The following AAAS variants were observed in gnomAD, a reference collection of about 807,000 sequenced individuals.
The protein encoded by AAAS is aladin.
In AAAS, 60 loss-of-function variants were observed where a neutral mutation model predicts 75.6. That is an observed-to-expected ratio of 0.79 (90% CI 0.64 to 0.98). AAAS has a LOEUF of 0.98. Among genes scored for constraint, AAAS ranks in the 50% least tolerant of loss-of-function variants. The probability of loss-of-function intolerance (pLI) is 0.00; values close to 1 mark genes in which losing one functional copy is unlikely to be tolerated. For synonymous variants in AAAS, 271 were observed against 265.0 expected (o/e 1.02, Z -0.22); for missense variants, 658 against 686.9 (o/e 0.96, Z 0.47).
chr12:53,318,255 T>C lies in AAAS; in HGVS notation c.251+2310A>G, dbSNP rs58263639. On this transcript the variant is annotated intron_variant, in intron 2 of 15. Coordinates refer to ENST00000209873, the MANE Select transcript of AAAS (RefSeq NM_015665.6). ...GTGTGTGTGTGTGTGCGTGTGTGTG[T>C]GTGTGTGTGTGTGTGTGTTAAGACG... Among the ~76,000 whole-genome samples the C allele has an allele frequency of 1.6e-3, 159 of 98,810 alleles. 4 individuals carry two copies. Among genetic ancestry groups the C allele is most frequent in the African/African-American group, 4.3e-3 (135 of 31,188 alleles). 64.8% of individuals were successfully genotyped at this position (98,810 alleles called of 152,430 possible).
Position 53,315,422 on chromosome 12 carries a change from A to G in AAAS, c.312T>C (p.Phe104=). The change falls in exon 4 of 16, where the codon TTT becomes TTC. Residue 104 remains phenylalanine (F), a synonymous_variant. Transcript: ENST00000209873. The part of the protein sequence containing the change: ...NEIANSEEEV[F]EWVKTASGWA... ...AGCCGGATGCCGTCTTCACCCACTC[A>G]AACACTGTAGGGTTGAGGAAGCAGC... 6.2e-7 allele frequency: 1 copy of G among 1,612,924 alleles called. No homozygotes were observed. Among genetic ancestry groups the G allele is most frequent in the Non-Finnish European group, 8.5e-7 (1 of 1,179,814 alleles).
Position 53,307,914 on chromosome 12 carries a change from C to T in AAAS, c.1347G>A (p.Gly449=), listed in dbSNP as rs759148907. The T allele has an allele frequency of 6.2e-7, 1 of 1,614,158 alleles. No homozygotes were observed. Among genetic ancestry groups the T allele is most frequent in the Non-Finnish European group, 8.5e-7 (1 of 1,180,034 alleles). ...FELLPCGIIQ[G]EPGAQPQLIT... ...TGAGCTGGGGCTGGGCTCCTGGCTC[C>T]CCCTGGATAATGCCACTAGAAGAAA... The change falls in exon 15 of 16, where the codon GGG becomes GGA. Residue 449 remains glycine, a synonymous_variant. Coordinates refer to ENST00000209873, the MANE Select transcript of AAAS (RefSeq NM_015665.6).
intron 2 of AAAS, among the ~76,000 whole-genome samples, 178 bp from the exon 3 acceptor site, chr12:53,315,960 C>T (rs1457623771): frequency 1.3e-5 from 2 of 152,164 alleles, no homozygotes; most frequent in South Asian, 2.1e-4. Context: ...CAAATCTGAA[C>T]GAGATTCTAC....
chr12:53,318,922 T>C (rs1252233612), intron 2 of AAAS, among the ~76,000 whole-genome samples: 1 of 152,122 alleles, frequency 6.6e-6, no homozygotes, highest in Non-Finnish European at 1.5e-5. Flanking sequence ...AGCCTGGGAA[T>C]GAATGGCTTT....
Position 53,320,606 on chromosome 12 carries a change from GA to G in AAAS, c.209del (p.Ile70ThrfsTer24). On this transcript the variant is annotated frameshift_variant, in exon 2 of 16. Coordinates refer to ENST00000209873, the MANE Select transcript of AAAS (RefSeq NM_015665.6). LOFTEE classifies it high-confidence loss of function. ...RLDHGTRTAF[I>X]HHREQVWKRC... is the part of the protein sequence containing the mutation. ...TCTTCCACACTTGCTCCCGGTGATG[GA>G]TGAAGGCAGTTCTTGTGCCATGGTC... 2.5e-6 allele frequency: 4 copies of G among 1,614,066 alleles called. No individual in the cohort carries two copies. The highest frequency in any genetic ancestry group is 3.4e-6 in the Non-Finnish European group (4 of 1,179,994).
chr12:53,311,202 C>T (rs960954700), intron 7 of AAAS, among the ~76,000 whole-genome samples: 5 of 152,128 alleles, frequency 3.3e-5, no homozygotes, highest in African/African-American at 1.2e-4. Context: ...CCTCAGCCTC[C>T]GAAAGTGCTG....
intron 2 of AAAS, among the ~76,000 whole-genome samples, chr12:53,319,016 CAT>C (rs1944510956): frequency 1.3e-5 from 2 of 152,258 alleles, no homozygotes; most frequent in Admixed American, 1.3e-4. Flanking sequence ...CTTGACAGCA[CAT>C]GTGTTGGAAA....
Position 53,316,513 on chromosome 12 carries a change from A to C in AAAS, c.252-731T>G, listed in dbSNP as rs1178060329. ...GCCAGGCGCGGTGGCTCACACCTGT[A>C]ATCACAGCACTTTGGGAGGCCAAGG... is the stretch of plus-strand genomic sequence containing the variant. On this transcript the variant is annotated intron_variant, in intron 2 of 15. Transcript: ENST00000209873. Among the ~76,000 whole-genome samples, 4 of 151,278 alleles carry C rather than the reference A, an allele frequency of 2.6e-5. No individual in the cohort carries two copies. The East Asian group carries it at 7.8e-4, about 29-fold the overall frequency.
rs765177858 is a variant in AAAS at position 53,315,400 on chromosome 12, C to A, written c.334G>T (p.Gly112Cys). Residue 112 changes from glycine to cysteine, a missense_variant, in exon 4 of 16, where the codon GGC becomes TGC. Physicochemically the swap from Gly to Cys is radical, Grantham distance 159. Transcript: ENST00000209873. ...CATCGACAGAGTGCCAGGGCCCAGC[C>A]GGATGCCGTCTTCACCCACTCAAAC... ...EVFEWVKTAS[G>C]WALALCRWAS... The A allele has an allele frequency of 1.2e-6, 2 of 1,613,674 alleles. No individual in the cohort carries two copies. Among genetic ancestry groups the A allele is most frequent in the Non-Finnish European group, 1.7e-6 (2 of 1,179,994 alleles).
intron 6 of AAAS, 147 bp downstream of exon 6, chr12:53,314,604 C>T (rs1178384490): frequency 1.2e-5 from 16 of 1,315,820 alleles, no homozygotes; most frequent in South Asian, 3.8e-5. Flanking sequence ...AGAAGAAGCA[C>T]GCATCCAGTT....
At chr12:53,308,594 T>C in intron 11 of AAAS, 66 bp from the exon 12 acceptor site, 1 of 1,603,330 alleles carries the variant, frequency 6.2e-7, no homozygotes, top group Non-Finnish European at 8.5e-7. Context: ...CCCTGCCAGC[T>C]CACCAAAGGC....
In AAAS at chr12:53,318,223, AGTGTGT is replaced by A. The variant is rs71443291; in HGVS notation, c.251+2336_251+2341del. On this transcript the variant is annotated intron_variant, in intron 2 of 15. Transcript: ENST00000209873. ...AAATTTTTTGTAGAGATGGGGTTTC[AGTGTGT>A]GTGTGTGTGTGTGTGCGTGTGTGTG... Among the ~76,000 whole-genome samples, 23 of 136,996 alleles carry A rather than the reference AGTGTGT, an allele frequency of 1.7e-4. No homozygotes were observed. In the South Asian group the frequency reaches 3.1e-3, roughly 19 times the overall value. 89.9% of individuals were successfully genotyped at this position (136,996 alleles called of 152,430 possible).
At chr12:53,317,401 C>CA (rs1002338899) in intron 2 of AAAS, among the ~76,000 whole-genome samples, 9 of 150,660 alleles carry the variant, frequency 6.0e-5, no homozygotes, top group African/African-American at 2.2e-4. Context: ...ACTAAAAATA[C>CA]AAAAAATTAG....
chr12:53,320,892 G>C, intron 1 of AAAS, 200 bp from the exon 2 acceptor site: 1 of 640,662 alleles, frequency 1.6e-6, no homozygotes, highest in Non-Finnish European at 2.7e-6. Flanking sequence ...TATTTCATAG[G>C]GTTGCTGTGA....
Position 53,308,316 on chromosome 12 carries a change from G to A in AAAS, c.1215C>T (p.Asp405=). 2 of 1,614,188 alleles carry A rather than the reference G, an allele frequency of 1.2e-6. No homozygotes were observed. Among genetic ancestry groups the A allele is most frequent in the Non-Finnish European group, 1.7e-6 (2 of 1,180,028 alleles). ...LGGEAHSMVW[D]PSGERLAVLM... ...GCACAGCCAGACGTTCCCCACTGGG[G>A]TCCCAGACCATGGAGTGAGCCTCTC... Residue 405 remains aspartate, a synonymous_variant, in exon 13 of 16, where the codon GAC becomes GAT. Coordinates refer to ENST00000209873, the MANE Select transcript of AAAS (RefSeq NM_015665.6).
Position 53,307,600 on chromosome 12 carries a change from GCCTCCACCCCCAGC to G in AAAS, c.1516_1529del (p.Ala506LeufsTer4). The G allele has an allele frequency of 5.0e-6, 8 of 1,614,178 alleles. No homozygotes were observed. Among genetic ancestry groups the G allele is most frequent in the Non-Finnish European group, 6.8e-6 (8 of 1,180,018 alleles). On this transcript the variant is annotated frameshift_variant, in exon 16 of 16. Coordinates refer to ENST00000209873, the MANE Select transcript of AAAS (RefSeq NM_015665.6). LOFTEE classifies it high-confidence loss of function. ...TAAAGAGGGGCAGGTCATGAATAGA[GCCTCCACCCCCAGC>G]AGGGGGTTCCTGGGCCCGCCCAAGC... is the stretch of plus-strand genomic sequence containing the variant.
intron 2 of AAAS, among the ~76,000 whole-genome samples, chr12:53,317,464 C>T (rs1181212425): frequency 2.0e-5 from 3 of 151,332 alleles, no homozygotes; most frequent in Non-Finnish European, 4.4e-5. Flanking sequence ...GGCTGAGGCA[C>T]GAGAATGGAG....
intron 7 of AAAS, among the ~76,000 whole-genome samples, chr12:53,310,834 A>G (rs920773251): frequency 3.9e-5 from 6 of 152,256 alleles, no homozygotes; most frequent in Admixed American, 3.9e-4. Context: ...GTTCAGATTC[A>G]TCTCATTCTT....
At chr12:53,311,478 G>T (rs1944387860) in intron 7 of AAAS, among the ~76,000 whole-genome samples, 1 of 152,204 alleles carries the variant, frequency 6.6e-6, no homozygotes, top group South Asian at 2.1e-4. Context: ...TTCCAGGCGT[G>T]GTGTACGCAC....
Sources: allele counts gnomAD v4.1 joint callset (sites outside exome capture counted in the v4.1 genomes callset), GRCh38; gene constraint gnomAD v4.1.1; transcripts MANE v1.5; gene names NCBI Gene and HGNC (gene_info 2026-07-23, HGNC 2026-07-21).